RPS6KC1: variants seen among roughly 807,000 people sequenced by gnomAD.
RPS6KC1 encodes inactive ribosomal protein S6 kinase delta-1.
Under a neutral mutation model 103.8 loss-of-function variants are expected in RPS6KC1, and 54 were observed. The observed-to-expected ratio is 0.52, with a 90% confidence interval of 0.42 to 0.65. The LOEUF (loss-of-function observed/expected upper bound fraction) is 0.65. RPS6KC1 is among the 30% of genes least tolerant of loss of function. RPS6KC1 has a pLI of 0.00. For missense variants in RPS6KC1, 1,151 were observed against 1,253.8 expected, an observed-to-expected ratio of 0.92 and a Z score of 1.24; for synonymous variants, 439 against 438.7, an observed-to-expected ratio of 1.00 and a Z score of -0.01.
intron 10 of RPS6KC1, among the ~76,000 whole-genome samples, chr1:213,236,310 T>C (rs2094219995): frequency 6.6e-6 from 1 of 152,204 alleles, no homozygotes; most frequent in Admixed American, 6.5e-5. Flanking sequence ...TGAATGTATT[T>C]TGAAGGTAGA....
the RPS6KC1 span, among the ~76,000 whole-genome samples, chr1:213,344,189 G>A: frequency 6.6e-6 from 1 of 152,248 alleles, no homozygotes; most frequent in East Asian, 1.9e-4. Context: ...ACAAATCCCA[G>A]TCTGCCAGCT....
At chr1:213,567,808 G>T in the RPS6KC1 span, among the ~76,000 whole-genome samples, 59 of 152,348 alleles carry the variant, frequency 3.9e-4, no homozygotes, top group Middle Eastern at 3.4e-3. Context: ...ACATTTGAAT[G>T]ATTCCAATGT....
chr1:213,544,491 T>C, the RPS6KC1 span, among the ~76,000 whole-genome samples: 2 of 152,226 alleles, frequency 1.3e-5, no homozygotes, highest in Admixed American at 6.5e-5. Flanking sequence ...GCTCAGGGCA[T>C]GCTGTGGCTG....
chr1:213,669,235 T>G, the RPS6KC1 span, among the ~76,000 whole-genome samples: 2 of 152,210 alleles, frequency 1.3e-5, no homozygotes, highest in Non-Finnish European at 2.9e-5. Context: ...TGATTTAAAG[T>G]GAAAGACATG....
chr1:213,557,879 A>G, the RPS6KC1 span, among the ~76,000 whole-genome samples: 2 of 152,194 alleles, frequency 1.3e-5, no homozygotes, highest in South Asian at 4.1e-4. Context: ...GGCTAAGTAA[A>G]AGGAATTGTT....
chr1:213,704,923 T>C, the RPS6KC1 span, among the ~76,000 whole-genome samples: 1 of 152,238 alleles, frequency 6.6e-6, no homozygotes, highest in Non-Finnish European at 1.5e-5. Flanking sequence ...ATTCTCTGGA[T>C]TACCAGGCAG....
chr1:213,701,840 T>C, the RPS6KC1 span, among the ~76,000 whole-genome samples: 2 of 151,984 alleles, frequency 1.3e-5, no homozygotes, highest in Non-Finnish European at 2.9e-5. Context: ...GGTCTGTCAA[T>C]TTTATTCAAC....
the RPS6KC1 span, among the ~76,000 whole-genome samples, chr1:213,699,002 A>G: frequency 1.3e-5 from 2 of 152,116 alleles, no homozygotes; most frequent in African/African-American, 2.4e-5. Context: ...TAATCACATC[A>G]TGGAAAATGG....
At chr1:213,838,813 C>T in the RPS6KC1 span, among the ~76,000 whole-genome samples, 47,360 of 152,058 alleles carry the variant, frequency 0.31, 11,636 homozygotes, top group African/African-American at 0.68. Context: ...TTTTTTATCT[C>T]ATATATTGAG....
intron 8 of RPS6KC1, among the ~76,000 whole-genome samples, chr1:213,217,189 T>C (rs1164354674): frequency 1.3e-5 from 2 of 151,646 alleles, no homozygotes; most frequent in East Asian, 3.8e-4. Flanking sequence ...ATAAAGGGGA[T>C]ATCACTACCG....
chr1:213,157,003 T>C (rs1326107949), intron 6 of RPS6KC1, among the ~76,000 whole-genome samples: 2 of 152,180 alleles, frequency 1.3e-5, no homozygotes, highest in Non-Finnish European at 1.5e-5. Flanking sequence ...AAGCTTAGGT[T>C]ATCAATTTGA....
the RPS6KC1 span, among the ~76,000 whole-genome samples, chr1:213,781,170 G>A: frequency 5.3e-5 from 8 of 152,190 alleles, no homozygotes; most frequent in Middle Eastern, 3.2e-3. Flanking sequence ...TCACAATAAC[G>A]TAAAGGTCAC....
the RPS6KC1 span, among the ~76,000 whole-genome samples, chr1:213,700,943 A>G: frequency 3.3e-5 from 5 of 151,942 alleles, no homozygotes; most frequent in Non-Finnish European, 5.9e-5. Flanking sequence ...ATAAGTTCTA[A>G]TAGTTTTCTT....
At chr1:213,407,903 T>C in the RPS6KC1 span, among the ~76,000 whole-genome samples, 1 of 152,224 alleles carries the variant, frequency 6.6e-6, no homozygotes. Context: ...AGGACTTTTT[T>C]AGTTTTGCTC....
chr1:213,505,744 T>C, the RPS6KC1 span, among the ~76,000 whole-genome samples: 8,343 of 152,242 alleles, frequency 0.055, 702 homozygotes, highest in African/African-American at 0.18. Context: ...CCTGGGTTCA[T>C]GCTCTTGACC....
At chr1:213,096,436 C>T (rs2081457471) in intron 3 of RPS6KC1, among the ~76,000 whole-genome samples, 1 of 152,116 alleles carries the variant, frequency 6.6e-6, no homozygotes, top group Non-Finnish European at 1.5e-5. Flanking sequence ...TGCCTATAGT[C>T]CCAACACTTT....
At chr1:213,593,042 G>A in the RPS6KC1 span, among the ~76,000 whole-genome samples, 1 of 112,636 alleles carries the variant, frequency 8.9e-6, no homozygotes, top group Admixed American at 1.0e-4. Context: ...CAAGGATCCA[G>A]GGTGGGGCTG....
the RPS6KC1 span, among the ~76,000 whole-genome samples, chr1:213,628,735 C>T: frequency 6.6e-6 from 1 of 151,852 alleles, no homozygotes; most frequent in Non-Finnish European, 1.5e-5. Flanking sequence ...TATAAATTTC[C>T]CTCTACACTC....
At chr1:213,071,701 T>C (rs146677981) in intron 2 of RPS6KC1, among the ~76,000 whole-genome samples, 187 of 152,334 alleles carry the variant, frequency 1.2e-3, no homozygotes, top group South Asian at 2.9e-3. Flanking sequence ...GTAACTAATA[T>C]TTATTTTAAA....
Sources: gnomAD v4.1 joint callset for allele counts (sites outside exome capture counted in the v4.1 genomes callset) on GRCh38, gnomAD v4.1.1 for gene constraint, MANE v1.5 for transcripts, NCBI Gene and HGNC (gene_info 2026-07-23, HGNC 2026-07-21) for gene names.